Variants in CPNE8 observed in about 807,000 individuals in gnomAD.
The protein encoded by CPNE8 is copine 8, also known as copine-8.
Under a neutral mutation model 81.5 loss-of-function variants are expected in CPNE8, and 45 were observed. The ratio of observed to expected loss-of-function variants is 0.55; its 90% CI spans 0.44 to 0.71. CPNE8 has a LOEUF of 0.71. CPNE8 is among the 30% of genes least tolerant of loss of function. The probability of loss-of-function intolerance (pLI) is 0.00; values close to 1 mark genes in which losing one functional copy is unlikely to be tolerated. For missense variants in CPNE8, 594 were observed against 672.1 expected, an observed-to-expected ratio of 0.88 and a Z score of 1.28; for synonymous variants, 252 against 226.3, an observed-to-expected ratio of 1.11 and a Z score of -1.02.
chr12:38,834,990 G>A (rs938914993), intron 5 of CPNE8, among the ~76,000 whole-genome samples: 6 of 151,872 alleles, frequency 4.0e-5, no homozygotes, highest in Admixed American at 2.0e-4. Flanking sequence ...TGGTTCAAGC[G>A]ATTCTCCTGC....
intron 4 of CPNE8, among the ~76,000 whole-genome samples, chr12:38,845,486 G>A (rs2137051483): frequency 6.6e-6 from 1 of 152,022 alleles, no homozygotes; most frequent in South Asian, 2.1e-4. Flanking sequence ...GGGACTACTG[G>A]GAATTTGTAT....
chr12:38,658,591 T>C lies in CPNE8; in HGVS notation c.1507-4521A>G, dbSNP rs140031237. Among the ~76,000 whole-genome samples, 571 of 152,054 alleles carry C rather than the reference T, an allele frequency of 3.8e-3. 5 individuals are homozygous for C. The highest frequency in any genetic ancestry group is 0.013 in the African/African-American group (559 of 41,474). The stretch of plus-strand genomic sequence containing the variant: ...TCAAGAAGAGCAACCCCAAGACATA[T>C]AATTGTCAGATTCACCTAGGTTGAA... On this transcript the variant is annotated intron_variant, in intron 19 of 19. Transcript: ENST00000331366.
intron 15 of CPNE8, among the ~76,000 whole-genome samples, chr12:38,687,628 C>T (rs1236581429): frequency 1.3e-5 from 2 of 152,090 alleles, no homozygotes; most frequent in Non-Finnish European, 2.9e-5. Flanking sequence ...GTGATCCACC[C>T]GCCTCAGCCT....
chr12:38,897,396 A>G (rs1366158132), intron 1 of CPNE8, among the ~76,000 whole-genome samples: 2 of 152,096 alleles, frequency 1.3e-5, no homozygotes, highest in African/African-American at 2.4e-5. Context: ...GATGTTTGTG[A>G]TGGAGAATAC....
chr12:38,768,145 T>A (rs991426400), intron 7 of CPNE8, among the ~76,000 whole-genome samples: 1 of 151,512 alleles, frequency 6.6e-6, no homozygotes, highest in South Asian at 2.1e-4. Context: ...ATCTAGTATG[T>A]ATAAAATGTT....
intron 3 of CPNE8, among the ~76,000 whole-genome samples, chr12:38,863,404 A>C (rs1003523546): frequency 6.6e-6 from 1 of 152,238 alleles, no homozygotes; most frequent in Non-Finnish European, 1.5e-5. Flanking sequence ...TTTAACTAAA[A>C]TATAACACCA....
At chr12:38,887,157 T>C (rs1206542034) in intron 1 of CPNE8, among the ~76,000 whole-genome samples, 3 of 152,118 alleles carry the variant, frequency 2.0e-5, no homozygotes, top group Admixed American at 2.0e-4. Context: ...TTACTGCAAC[T>C]TCCCAGTGGC....
intron 6 of CPNE8, among the ~76,000 whole-genome samples, chr12:38,822,766 TA>T (rs145681488): frequency 0.024 from 3,716 of 151,846 alleles, 150 homozygotes; most frequent in African/African-American, 0.082. Flanking sequence ...CCCATAGACA[TA>T]AAAAAAAGTA....
At chr12:38,825,906 C>T (rs1023135915) in intron 6 of CPNE8, among the ~76,000 whole-genome samples, 1 of 152,198 alleles carries the variant, frequency 6.6e-6, no homozygotes, top group Non-Finnish European at 1.5e-5. Flanking sequence ...CTTTTACTCT[C>T]CCATTTTTAA....
At chr12:38,873,951 T>G (rs1944027321) in intron 2 of CPNE8, among the ~76,000 whole-genome samples, 2 of 152,048 alleles carry the variant, frequency 1.3e-5, no homozygotes, top group Admixed American at 1.3e-4. Flanking sequence ...TATTTTATTT[T>G]TCTTTTCTTT....
chr12:38,744,290 G>C (rs190341109), intron 10 of CPNE8, among the ~76,000 whole-genome samples: 4 of 152,108 alleles, frequency 2.6e-5, no homozygotes, highest in African/African-American at 9.7e-5. Context: ...AGGTAATCAC[G>C]AATTCCAGTA....
chr12:38,824,761 T>C (rs1299159377), intron 6 of CPNE8, among the ~76,000 whole-genome samples: 1 of 152,194 alleles, frequency 6.6e-6, no homozygotes, highest in African/African-American at 2.4e-5. Flanking sequence ...TACTTACAAG[T>C]GGACTGTCTG....
intron 19 of CPNE8, among the ~76,000 whole-genome samples, chr12:38,657,431 C>T (rs1040236019): frequency 4.6e-5 from 7 of 152,180 alleles, no homozygotes; most frequent in East Asian, 1.9e-4. Flanking sequence ...CCTCTATAAA[C>T]GCCACCTCTG....
chr12:38,825,668 C>T (rs1224208197), intron 6 of CPNE8, among the ~76,000 whole-genome samples: 1 of 152,206 alleles, frequency 6.6e-6, no homozygotes, highest in Non-Finnish European at 1.5e-5. Context: ...AGCCAACAGA[C>T]CTTGTTCTTC....
intron 10 of CPNE8, among the ~76,000 whole-genome samples, chr12:38,752,661 A>G (rs1941375872): frequency 6.6e-6 from 1 of 152,228 alleles, no homozygotes; most frequent in Middle Eastern, 3.2e-3. Flanking sequence ...TCAGCATCAA[A>G]TATCAAGAAA....
intron 16 of CPNE8, among the ~76,000 whole-genome samples, chr12:38,680,866 A>C (rs1355855841): frequency 6.6e-6 from 1 of 152,034 alleles, no homozygotes; most frequent in Non-Finnish European, 1.5e-5. Context: ...AAAAATGAAA[A>C]TTCATTTTGG....
intron 8 of CPNE8, among the ~76,000 whole-genome samples, chr12:38,764,268 A>T (rs1272272323): frequency 6.6e-6 from 1 of 152,144 alleles, no homozygotes; most frequent in Non-Finnish European, 1.5e-5. Flanking sequence ...AAGTTAGGGG[A>T]GGGCTGTAGG....
chr12:38,854,608 G>T (rs1943700410), intron 3 of CPNE8, among the ~76,000 whole-genome samples: 1 of 151,942 alleles, frequency 6.6e-6, no homozygotes, highest in African/African-American at 2.4e-5. Flanking sequence ...TGCAAGGATG[G>T]TTCAACATAC....
chr12:38,862,095 TAAAG>T (rs1326121594), intron 3 of CPNE8, among the ~76,000 whole-genome samples: 3 of 152,098 alleles, frequency 2.0e-5, no homozygotes, highest in Non-Finnish European at 4.4e-5. Flanking sequence ...ATAGATTTGT[TAAAG>T]AAACTAAATC....
Sources: allele counts gnomAD v4.1 joint callset (sites outside exome capture counted in the v4.1 genomes callset), GRCh38; gene constraint gnomAD v4.1.1; transcripts MANE v1.5; gene names NCBI Gene and HGNC (gene_info 2026-07-23, HGNC 2026-07-21).